Variants in SCPEP1 observed in about 807,000 individuals in gnomAD.
SCPEP1 encodes serine carboxypeptidase 1.
SCPEP1 carries 51 observed loss-of-function variants against 63.8 expected under a neutral mutation model. The ratio of observed to expected loss-of-function variants is 0.80; its 90% CI spans 0.64 to 1.01. The LOEUF is 1.01. Among genes scored for constraint, SCPEP1 ranks in the 50% least tolerant of loss-of-function variants. The pLI, the probability that SCPEP1 is intolerant of heterozygous loss-of-function variation, is 0.00. For synonymous variants in SCPEP1, 204 were observed against 207.8 expected (o/e 0.98, Z 0.16); for missense variants, 499 against 554.9 (o/e 0.90, Z 1.01).
intron 7 of SCPEP1, 24 bp downstream of exon 7, chr17:56,995,042 C>T (rs767823649): frequency 6.2e-7 from 1 of 1,604,714 alleles, no homozygotes; most frequent in Non-Finnish European, 8.5e-7. Flanking sequence ...CATCTGCACC[C>T]TCTGGGCAAA....
intron 2 of SCPEP1, chr17:56,984,912 A>G: frequency 5.8e-6 from 1 of 172,518 alleles, no homozygotes; most frequent in Non-Finnish European, 1.2e-5. Context: ...CAGCCTGGGC[A>G]ACATGGTGAA....
At chr17:57,003,740 G>A (rs1017110569) in intron 12 of SCPEP1, among the ~76,000 whole-genome samples, 3 of 152,184 alleles carry the variant, frequency 2.0e-5, no homozygotes, top group African/African-American at 4.8e-5. Context: ...CGTGAGTGAT[G>A]ATGTGCTTAC....
In SCPEP1 at chr17:56,987,691, A is replaced by G. The variant is rs757172954; in HGVS notation, c.316-4A>G. 1 of 1,612,760 alleles carries G rather than the reference A, an allele frequency of 6.2e-7. No homozygotes were observed. Among genetic ancestry groups the G allele is most frequent in the Non-Finnish European group, 8.5e-7 (1 of 1,179,586 alleles). On this transcript the variant is annotated splice_polypyrimidine_tract_variant and splice_region_variant and intron_variant, in intron 3 of 12. Coordinates refer to ENST00000262288, the MANE Select transcript of SCPEP1 (RefSeq NM_021626.3). Reference sequence around the variant, plus strand: ...AACATTTCGTTTTCCTCCGTGGTACATAGCTCCAGGCTGCCAGTCTCCTAT... The same window carrying G: ...AACATTTCGTTTTCCTCCGTGGTACGTAGCTCCAGGCTGCCAGTCTCCTAT...
chr17:56,998,946 CCT>C (rs1911656320), intron 10 of SCPEP1, among the ~76,000 whole-genome samples: 1 of 151,894 alleles, frequency 6.6e-6, no homozygotes, highest in South Asian at 2.1e-4. Context: ...AGAGAGAAAC[CCT>C]GTTTCTTAAA....
rs966596010 is a variant in SCPEP1, at chr17:57,000,955, G to A, written c.1095G>A (p.Val365=). The change falls in exon 11 of 13, where the codon GTG becomes GTA. Residue 365 remains valine (V), a synonymous_variant. Transcript: ENST00000262288. The stretch of plus-strand genomic sequence containing the variant: ...TGGAGGCAGGGATCAACGTGACGGT[G>A]TATAATGGACAGCTGGATCTCATCG... ...ELLEAGINVT[V]YNGQLDLIVD... is the part of the protein sequence containing the mutation. 9 of 1,614,062 alleles carry A rather than the reference G, an allele frequency of 5.6e-6. No individual in the cohort carries two copies. The highest frequency in any genetic ancestry group is 6.8e-6 in the Non-Finnish European group (8 of 1,180,038).
intron 4 of SCPEP1, among the ~76,000 whole-genome samples, 157 bp downstream of exon 4, chr17:56,988,007 C>T (rs1911275411): frequency 6.6e-6 from 1 of 152,168 alleles, no homozygotes; most frequent in African/African-American, 2.4e-5. Context: ...TTGTTTCTGT[C>T]ATCTCTAAAG....
chr17:56,989,936 T>C (rs1283784188), intron 5 of SCPEP1, among the ~76,000 whole-genome samples: 1 of 150,884 alleles, frequency 6.6e-6, no homozygotes, highest in Non-Finnish European at 1.5e-5. Context: ...CGAGACTCTT[T>C]CTCAAAAAAA....
At chr17:56,995,778 C>T in intron 8 of SCPEP1, 143 bp downstream of exon 8, 1 of 920,412 alleles carries the variant, frequency 1.1e-6, no homozygotes, top group Non-Finnish European at 1.5e-6. Flanking sequence ...TAATAAATCT[C>T]TTGGGTCTAA....
intron 2 of SCPEP1, chr17:56,982,840 A>G (rs1911109075): frequency 6.6e-6 from 1 of 152,214 alleles, no homozygotes; most frequent in African/African-American, 2.4e-5. Flanking sequence ...GAAGTTTATC[A>G]ACTGAAGAGA....
chr17:56,991,981 G>T (rs1454737812), intron 6 of SCPEP1, among the ~76,000 whole-genome samples: 2 of 152,174 alleles, frequency 1.3e-5, no homozygotes. Flanking sequence ...GATTTCCCCA[G>T]GCAAAACCAA....
In SCPEP1 at chr17:56,995,038, C is replaced by T; in HGVS notation, c.657+20C>T. ...AGCATGGTAAGTAGATACACATCTG[C>T]ACCCTCTGGGCAAACAGCCCAGCAG... is the stretch of plus-strand genomic sequence containing the variant. On this transcript the variant is annotated intron_variant, in intron 7 of 12. Coordinates refer to ENST00000262288, the MANE Select transcript of SCPEP1 (RefSeq NM_021626.3). 2 of 1,608,040 alleles carry T rather than the reference C, an allele frequency of 1.2e-6. No homozygotes were observed. The highest frequency in any genetic ancestry group is 2.2e-5 in the South Asian group (2 of 90,894).
intron 12 of SCPEP1, among the ~76,000 whole-genome samples, chr17:57,002,827 A>G (rs879749068): frequency 6.7e-6 from 1 of 150,292 alleles, no homozygotes; most frequent in Admixed American, 6.7e-5. Context: ...GTGAGCCAAG[A>G]TCATGCCACT....
chr17:56,987,014 A>G (rs2144481115), intron 3 of SCPEP1: 1 of 152,280 alleles, frequency 6.6e-6, no homozygotes. Flanking sequence ...CAAGCCTCCT[A>G]GAACTAAAAG....
Position 56,982,266 on chromosome 17 carries a change from A to G in SCPEP1, c.225+1036A>G, listed in dbSNP as rs147549492. 3.2e-4 allele frequency among the ~76,000 whole-genome samples: 48 copies of G among 152,122 alleles called. No homozygotes were observed. In the East Asian group the frequency reaches 8.5e-3, roughly 27 times the overall value. On this transcript the variant is annotated intron_variant, in intron 2 of 12. Coordinates refer to ENST00000262288, the MANE Select transcript of SCPEP1 (RefSeq NM_021626.3). ...TCAGTAAATAGGGACCCTGGTGCTC[A>G]CCTCCATAGGATGCTACTGGGACGT...
intron 7 of SCPEP1, 106 bp from the exon 8 acceptor site, chr17:56,995,401 C>G (rs561775685): frequency 1.7e-6 from 2 of 1,210,998 alleles, no homozygotes; most frequent in East Asian, 2.4e-5. Flanking sequence ...TGTGAGCTCC[C>G]GTTCTCCTTC....
chr17:56,997,180 A>G, intron 9 of SCPEP1, 125 bp downstream of exon 9: 1 of 587,146 alleles, frequency 1.7e-6, no homozygotes, highest in Non-Finnish European at 2.9e-6. Context: ...AACTCACTGT[A>G]AGTGGTTTTC....
chr17:56,981,120 G>A lies in SCPEP1; in HGVS notation c.115G>A (p.Val39Ile). 1.2e-6 allele frequency: 2 copies of A among 1,614,184 alleles called. No homozygotes were observed. The highest frequency in any genetic ancestry group is 1.7e-6 in the Non-Finnish European group (2 of 1,180,020). The change falls in exon 2 of 13, where the codon GTA (valine) becomes ATA (isoleucine). Residue 39 changes from valine (V) to isoleucine (I), a missense_variant. Coordinates refer to ENST00000262288, the MANE Select transcript of SCPEP1 (RefSeq NM_021626.3). ...CTGGCCCACAGAGGAGGGCAAGGAA[G>A]TATGGGATTATGTGACGGTCCGCAA... is the stretch of plus-strand genomic sequence containing the variant. ...IDWPTEEGKE[V>I]WDYVTVRKDA...
rs536152294 is a variant in SCPEP1, at chr17:57,005,264, C to A, written c.1297-909C>A. On this transcript the variant is annotated intron_variant, in intron 12 of 12. Coordinates refer to ENST00000262288, the MANE Select transcript of SCPEP1 (RefSeq NM_021626.3). ...TGCTCAGCCTGCCCTAGAGAGAAGT[C>A]CCTGACGAGGCTGGTAGGAAGGCAT... is the stretch of plus-strand genomic sequence containing the variant. Among the ~76,000 whole-genome samples the A allele has an allele frequency of 2.6e-5, 4 of 152,278 alleles. No homozygotes were observed. In the South Asian group the frequency reaches 8.3e-4, roughly 32 times the overall value.
intron 2 of SCPEP1, 99 bp from the exon 3 acceptor site, chr17:56,985,279 C>T: frequency 1.1e-6 from 1 of 870,596 alleles, no homozygotes; most frequent in African/African-American, 1.7e-5. Context: ...ATTGACCCAG[C>T]CATCACTAAC....
Sources: gnomAD v4.1 joint callset for allele counts (sites outside exome capture counted in the v4.1 genomes callset) on GRCh38, gnomAD v4.1.1 for gene constraint, MANE v1.5 for transcripts, NCBI Gene and HGNC (gene_info 2026-07-23, HGNC 2026-07-21) for gene names.